Variants in LMBR1 observed in about 807,000 individuals in gnomAD.
LMBR1 encodes the protein limb development membrane protein 1, also known as limb region 1 protein homolog.
LMBR1 carries 52 observed loss-of-function variants against 73.9 expected under a neutral mutation model. The ratio of observed to expected loss-of-function variants is 0.70; its 90% CI spans 0.56 to 0.89. LMBR1 has a LOEUF of 0.89. Ranked by LOEUF, LMBR1 falls within the 40% of genes least tolerant of loss-of-function variation. LMBR1 has a pLI of 0.00. For synonymous variants in LMBR1, 215 were observed against 209.4 expected (o/e 1.03, Z -0.23); for missense variants, 539 against 579.8 (o/e 0.93, Z 0.72).
intron 5 of LMBR1, among the ~76,000 whole-genome samples, chr7:156,784,181 A>AT: frequency 6.6e-6 from 1 of 151,966 alleles, no homozygotes; most frequent in Non-Finnish European, 1.5e-5. Context: ...TCCTTGAAAT[A>AT]TTTTTTGTCT....
intron 5 of LMBR1, among the ~76,000 whole-genome samples, chr7:156,794,343 ATC>A (rs1829734968): frequency 6.6e-6 from 1 of 152,250 alleles, no homozygotes; most frequent in African/African-American, 2.4e-5. Context: ...TGTGTGAAAT[ATC>A]TCTAATTAAC....
chr7:156,748,655 A>AT (rs1325662507), intron 9 of LMBR1, among the ~76,000 whole-genome samples: 1 of 151,850 alleles, frequency 6.6e-6, no homozygotes, highest in Non-Finnish European at 1.5e-5. Context: ...CGCCCAGCTA[A>AT]TTTTTGTATT....
At chr7:156,761,798 A>T (rs535495270) in intron 8 of LMBR1, among the ~76,000 whole-genome samples, 9 of 152,134 alleles carry the variant, frequency 5.9e-5, no homozygotes, top group African/African-American at 2.2e-4. Flanking sequence ...AACACAGTGA[A>T]ACCCCGTCTC....
At chr7:156,726,081 A>G (rs1196257449) in intron 12 of LMBR1, 1 of 372,786 alleles carries the variant, frequency 2.7e-6, no homozygotes, top group Non-Finnish European at 4.8e-6. Flanking sequence ...AATTTAAGTT[A>G]CTTGTCAAGA....
intron 1 of LMBR1, among the ~76,000 whole-genome samples, chr7:156,889,349 T>C (rs113619347): frequency 0.034 from 4,833 of 143,892 alleles, 122 homozygotes; most frequent in South Asian, 0.088. Context: ...TATTTAGATA[T>C]GGTAAATTGC....
chr7:156,740,519 C>G (rs994872175), intron 9 of LMBR1, among the ~76,000 whole-genome samples: 4 of 152,164 alleles, frequency 2.6e-5, no homozygotes, highest in African/African-American at 9.6e-5. Flanking sequence ...CAAGTAACAT[C>G]CAATGGCGCT....
chr7:156,783,417 G>T (rs550962332), intron 5 of LMBR1, among the ~76,000 whole-genome samples: 20 of 152,022 alleles, frequency 1.3e-4, no homozygotes, highest in African/African-American at 3.9e-4. Flanking sequence ...GGCCTCCTGC[G>T]ATTCTCCCAC....
chr7:156,870,756 C>CA (rs375108106), intron 1 of LMBR1, among the ~76,000 whole-genome samples: 10,001 of 83,198 alleles, frequency 0.12, 365 homozygotes, highest in African/African-American at 0.14. Context: ...GACTCTGTCA[C>CA]AAAAAAAAAA....
intron 5 of LMBR1, among the ~76,000 whole-genome samples, chr7:156,786,516 G>A (rs568132202): frequency 2.7e-4 from 41 of 152,190 alleles, no homozygotes; most frequent in Non-Finnish European, 5.3e-4. Flanking sequence ...ACAGGTAGAC[G>A]AAAATATTAG....
Position 156,725,530 on chromosome 7 carries a change from G to T in LMBR1, c.1068-5C>A. ...ACAGAGGACACCATAAGATAGCTGT[G>T]AGAATCAAGGAAAAAAACTCTCCAA... On this transcript the variant is annotated splice_region_variant and splice_polypyrimidine_tract_variant and intron_variant, in intron 13 of 16. Transcript: ENST00000353442. 1.3e-6 allele frequency: 2 copies of T among 1,568,402 alleles called. No homozygotes were observed. The highest frequency in any genetic ancestry group is 1.2e-5 in the South Asian group (1 of 85,782).
intron 15 of LMBR1, among the ~76,000 whole-genome samples, chr7:156,692,152 T>C (rs1807340099): frequency 2.6e-5 from 4 of 152,196 alleles, no homozygotes; most frequent in Admixed American, 2.6e-4. Flanking sequence ...CTCAGCTCAC[T>C]GCAACCCAAG....
At chr7:156,813,605 A>G (rs980796411) in intron 4 of LMBR1, among the ~76,000 whole-genome samples, 8 of 152,178 alleles carry the variant, frequency 5.3e-5, no homozygotes, top group African/African-American at 1.7e-4. Flanking sequence ...TAACTATTCC[A>G]GTATACATTT....
At chr7:156,801,278 G>T (rs1235116513) in intron 4 of LMBR1, among the ~76,000 whole-genome samples, 1 of 152,148 alleles carries the variant, frequency 6.6e-6, no homozygotes, top group African/African-American at 2.4e-5. Flanking sequence ...ATCAAGGCAA[G>T]ACCTCCACCA....
intron 1 of LMBR1, among the ~76,000 whole-genome samples, chr7:156,859,403 GAAAT>G (rs1348332915): frequency 6.6e-6 from 1 of 152,120 alleles, no homozygotes; most frequent in Admixed American, 6.5e-5. Context: ...TTGGAAGAAA[GAAAT>G]AAAACTCTCT....
intron 4 of LMBR1, among the ~76,000 whole-genome samples, chr7:156,821,439 G>A (rs1302258820): frequency 1.3e-5 from 2 of 152,222 alleles, no homozygotes; most frequent in Non-Finnish European, 2.9e-5. Context: ...AAAGGACAGC[G>A]GTGAAGGGAA....
At chr7:156,875,913 A>G (rs1044653356) in intron 1 of LMBR1, among the ~76,000 whole-genome samples, 1 of 152,094 alleles carries the variant, frequency 6.6e-6, no homozygotes, top group African/African-American at 2.4e-5. Context: ...AATTAAAAAA[A>G]AAAAAAAACA....
intron 1 of LMBR1, among the ~76,000 whole-genome samples, chr7:156,850,287 C>A (rs1409027949): frequency 6.6e-6 from 1 of 152,164 alleles, no homozygotes; most frequent in Non-Finnish European, 1.5e-5. Flanking sequence ...CAGATGCCAG[C>A]CCCTTGATCT....
intron 1 of LMBR1, among the ~76,000 whole-genome samples, chr7:156,891,730 A>C (rs67066030): frequency 0.077 from 11,756 of 152,254 alleles, 515 homozygotes; most frequent in East Asian, 0.15. Context: ...AATGATCTGA[A>C]GGGTACATGT....
Position 156,763,769 on chromosome 7 carries a change from A to T in LMBR1, c.450T>A (p.Thr150=), listed in dbSNP as rs761520931. ...KKGIRARILE[T]LVMLLLLALL... is the part of the protein sequence containing the mutation. The stretch of plus-strand genomic sequence containing the variant: ...ACGCAAGAAGAAGAAGCATGACCAA[A>T]GTCTCTAAAATGCGGGCTCGGATTC... The change falls in exon 6 of 17, where the codon ACT becomes ACA. Residue 150 remains threonine, a synonymous_variant. Transcript: ENST00000353442. 14 of 1,600,928 alleles carry T rather than the reference A, an allele frequency of 8.7e-6. No individual in the cohort carries two copies. In the Admixed American group the frequency reaches 2.5e-4, roughly 29 times the overall value.
Sources: allele counts gnomAD v4.1 joint callset (sites outside exome capture counted in the v4.1 genomes callset), GRCh38; gene constraint gnomAD v4.1.1; transcripts MANE v1.5; gene names NCBI Gene and HGNC (gene_info 2026-07-23, HGNC 2026-07-21).